Variants in NAPEPLD observed in about 807,000 individuals in gnomAD.
NAPEPLD encodes the protein N-acyl-phosphatidylethanolamine-hydrolyzing phospholipase D.
NAPEPLD carries 23 observed loss-of-function variants against 38.1 expected under a neutral mutation model. The observed-to-expected ratio is 0.60, with a 90% confidence interval of 0.43 to 0.86. NAPEPLD has a LOEUF of 0.86. NAPEPLD is among the 40% of genes least tolerant of loss of function. NAPEPLD has a pLI of 0.00. For missense variants in NAPEPLD, 411 were observed against 476.8 expected (o/e 0.86, Z 1.28); for synonymous variants, 147 against 162.0 (o/e 0.91, Z 0.71).
chr7:103,130,017 C>T (rs144722032), intron 1 of NAPEPLD, among the ~76,000 whole-genome samples: 27 of 152,278 alleles, frequency 1.8e-4, no homozygotes, highest in Admixed American at 7.8e-4. Context: ...TGATAAGTAA[C>T]GTATCTGCCA....
In NAPEPLD at chr7:103,100,280, T is replaced by A. The variant is rs896671136; in HGVS notation, c.*3149A>T. On this transcript the variant is annotated 3_prime_UTR_variant, in exon 5 of 5. Transcript: ENST00000465647. ...CCCTATTTAATGAAAGCATATTCAT[T>A]AAATATGAAACTATGCATACATTAA... is the stretch of plus-strand genomic sequence containing the variant. The A allele has an allele frequency of 3.9e-5, 6 of 152,212 alleles. No homozygotes were observed. Among genetic ancestry groups the A allele is most frequent in the Non-Finnish European group, 8.8e-5 (6 of 68,038 alleles). The allele number at this position is 152,212 out of a possible 1,614,324, so 9.4% of individuals were successfully genotyped here.
At chr7:103,107,957 C>G (rs1005177319) in intron 4 of NAPEPLD, among the ~76,000 whole-genome samples, 1 of 151,994 alleles carries the variant, frequency 6.6e-6, no homozygotes. Flanking sequence ...TCAGATTCAT[C>G]AAGGGTGAAA....
At position 103,103,469 on chromosome 7, in the gene NAPEPLD, C is replaced by G. The variant is rs760429629; in HGVS notation, c.1142G>C (p.Gly381Ala). 1 of 1,590,766 alleles carries G rather than the reference C, an allele frequency of 6.3e-7. No individual in the cohort carries two copies. The highest frequency in any genetic ancestry group is 8.5e-7 in the Non-Finnish European group (1 of 1,173,510). Reference protein sequence around the residue: ...NAEDFFVLKHGESRYLNNDDE... With the variant: ...NAEDFFVLKHAESRYLNNDDE... ...ATCATTATTTAGGTATCTTGATTCTCCATGCTTCAAGACAAAAAAATCTTC... is the reference window on the plus strand; with the variant it reads ...ATCATTATTTAGGTATCTTGATTCTGCATGCTTCAAGACAAAAAAATCTTC... The change falls in exon 5 of 5, where the codon GGA (glycine) becomes GCA (alanine). Residue 381 changes from glycine (G) to alanine (A), a missense_variant. By Grantham distance (60) the Gly-to-Ala change is moderately conservative. Coordinates refer to ENST00000465647, the MANE Select transcript of NAPEPLD (RefSeq NM_001122838.3).
Position 103,102,871 on chromosome 7 carries a change from C to A in NAPEPLD, c.*558G>T, listed in dbSNP as rs1180007624. The A allele has an allele frequency of 1.3e-5, 2 of 152,542 alleles. No homozygotes were observed. The allele number at this position is 152,542 out of a possible 1,614,324, so 9.4% of individuals were successfully genotyped here. Reference sequence around the variant, plus strand: ...GATAGCCCCTATGTTTTTATGCTTACCTAAATAAACCATATTTAATATTTG... The same window carrying A: ...GATAGCCCCTATGTTTTTATGCTTAACTAAATAAACCATATTTAATATTTG... On this transcript the variant is annotated 3_prime_UTR_variant, in exon 5 of 5. Transcript: ENST00000465647.
chr7:103,113,991 T>C (rs555671317), intron 4 of NAPEPLD, among the ~76,000 whole-genome samples: 1 of 150,432 alleles, frequency 6.6e-6, no homozygotes, highest in East Asian at 2.0e-4. Flanking sequence ...CTCTACTTCC[T>C]GGGTTCAGGC....
At chr7:103,112,936 T>A (rs552820875) in intron 4 of NAPEPLD, among the ~76,000 whole-genome samples, 2 of 152,284 alleles carry the variant, frequency 1.3e-5, no homozygotes, top group African/African-American at 4.8e-5. Context: ...GTTAGGTTTA[T>A]AACAGGAATA....
At chr7:103,141,865 G>T in intron 1 of NAPEPLD, 2 of 1,012,352 alleles carry the variant, frequency 2.0e-6, no homozygotes, top group South Asian at 1.3e-5. Context: ...TCTCATTGGG[G>T]TCTAACCAGA....
chr7:103,122,761 G>T (rs77753257), intron 2 of NAPEPLD, among the ~76,000 whole-genome samples: 1 of 152,150 alleles, frequency 6.6e-6, no homozygotes, highest in Non-Finnish European at 1.5e-5. Context: ...TTGCATTTCC[G>T]TGGAGCTACT....
chr7:103,135,926 C>T (rs1262796383), intron 1 of NAPEPLD, among the ~76,000 whole-genome samples: 5 of 151,946 alleles, frequency 3.3e-5, no homozygotes, highest in African/African-American at 4.8e-5. Context: ...AACTCCTAAA[C>T]GTTGTTTTAA....
chr7:103,103,242 CCT>C lies in NAPEPLD; in HGVS notation c.*185_*186del. The C allele has an allele frequency of 1.7e-5, 9 of 516,282 alleles. No individual in the cohort carries two copies. The highest frequency in any genetic ancestry group is 2.2e-5 in the Non-Finnish European group (7 of 313,636). The allele number at this position is 516,282 out of a possible 1,614,324, so 32.0% of individuals were successfully genotyped here. On this transcript the variant is annotated 3_prime_UTR_variant, in exon 5 of 5. Transcript: ENST00000465647. ...TTATTTAAATGACCCACCCCTGAAC[CCT>C]CTCATAGTGTACATGAGCTGATCAT...
chr7:103,115,666 CA>C (rs1415992600), intron 3 of NAPEPLD, among the ~76,000 whole-genome samples: 1 of 152,134 alleles, frequency 6.6e-6, no homozygotes, highest in Non-Finnish European at 1.5e-5. Context: ...AAATATAATT[CA>C]ACGGCAAGCC....
At chr7:103,122,557 G>A (rs549026419) in intron 2 of NAPEPLD, among the ~76,000 whole-genome samples, 1 of 152,112 alleles carries the variant, frequency 6.6e-6, no homozygotes, top group African/African-American at 2.4e-5. Context: ...AGGACAAAAA[G>A]GTTTCTCTTA....
rs745597246 is a variant in NAPEPLD, at chr7:103,128,676, C to T, written c.101G>A (p.Ser34Asn). ...RQNSARNSGA[S>N]DSSRFSRKSF... is the part of the protein sequence containing the mutation. ...TTTCCTAGAAAACCTAGAAGAATCA[C>T]TTGCTCCGGAATTCCGTGCTGAATT... The change falls in exon 2 of 5, where the codon AGT becomes AAT. Residue 34 changes from serine (S) to asparagine (N), a missense_variant. Transcript: ENST00000465647. The T allele has an allele frequency of 6.2e-7, 1 of 1,614,176 alleles. No individual in the cohort carries two copies. The highest frequency in any genetic ancestry group is 8.5e-7 in the Non-Finnish European group (1 of 1,180,032).
intron 1 of NAPEPLD, among the ~76,000 whole-genome samples, chr7:103,136,099 TA>T (rs1049869512): frequency 4.3e-5 from 6 of 139,390 alleles, no homozygotes; most frequent in Non-Finnish European, 6.3e-5. Context: ...AAAACCCTAT[TA>T]AAAAAAAAAC....
At chr7:103,147,966 A>G (rs895096749) in intron 1 of NAPEPLD, 59 of 979,780 alleles carry the variant, frequency 6.0e-5, no homozygotes, top group Non-Finnish European at 6.7e-5. Context: ...TTTACCCTAA[A>G]TTTCTTCTTT....
intron 4 of NAPEPLD, among the ~76,000 whole-genome samples, chr7:103,110,570 A>C (rs1804314332): frequency 6.6e-6 from 1 of 152,216 alleles, no homozygotes; most frequent in Admixed American, 6.5e-5. Context: ...GTATTAATGG[A>C]ACATATCTCA....
intron 4 of NAPEPLD, among the ~76,000 whole-genome samples, chr7:103,103,891 T>A (rs1802773975): frequency 6.6e-6 from 1 of 152,236 alleles, no homozygotes; most frequent in Admixed American, 6.5e-5. Flanking sequence ...AAAGATGATG[T>A]TATTAGAGAA....
chr7:103,130,643 G>T (rs993646211), intron 1 of NAPEPLD, among the ~76,000 whole-genome samples: 2 of 152,064 alleles, frequency 1.3e-5, no homozygotes, highest in South Asian at 2.1e-4. Flanking sequence ...CACCCAGGCT[G>T]GAATACAGTG....
intron 1 of NAPEPLD, among the ~76,000 whole-genome samples, chr7:103,131,662 G>GA (rs1808959170): frequency 2.0e-5 from 3 of 149,220 alleles, no homozygotes; most frequent in African/African-American, 7.5e-5. Context: ...TGTCTCAAGG[G>GA]GAAAAAAAAA....
Sources: gnomAD v4.1 joint callset for allele counts (sites outside exome capture counted in the v4.1 genomes callset) on GRCh38, gnomAD v4.1.1 for gene constraint, MANE v1.5 for transcripts, NCBI Gene and HGNC (gene_info 2026-07-23, HGNC 2026-07-21) for gene names.